FLT4: variants seen among roughly 807,000 people sequenced by gnomAD.
FLT4 encodes fms related receptor tyrosine kinase 4, also known as vascular endothelial growth factor receptor 3.
Under a neutral mutation model 163.2 loss-of-function variants are expected in FLT4, and 30 were observed. That is an observed-to-expected ratio of 0.18 (90% CI 0.14 to 0.25). FLT4 has a LOEUF of 0.25. Among genes scored for constraint, FLT4 ranks in the 10% least tolerant of loss-of-function variants. The pLI, the probability that FLT4 is intolerant of heterozygous loss-of-function variation, is 1.00. For missense variants in FLT4, 1,510 were observed against 1,863.8 expected, an observed-to-expected ratio of 0.81 and a Z score of 3.50; for synonymous variants, 884 against 789.5, an observed-to-expected ratio of 1.12 and a Z score of -2.01.
chr5:180,620,856 G>A lies in FLT4; in HGVS notation c.2299+20C>T, dbSNP rs759077952. 2.1e-5 allele frequency: 33 copies of A among 1,609,586 alleles called. No individual in the cohort carries two copies. In the Middle Eastern group the frequency reaches 8.0e-4, roughly 39 times the overall value. The stretch of plus-strand genomic sequence containing the variant: ...ACTGGGGACGGGAAGGGAGTTGAGG[G>A]GTGCAGCCTGAGGCCAGACCTTCCA... On this transcript the variant is annotated intron_variant, in intron 15 of 29. Coordinates refer to ENST00000261937, the MANE Select transcript of FLT4 (RefSeq NM_182925.5). The surrounding 1 kb of genome is among the most constrained non-coding windows in gnomAD (Gnocchi z 4.4).
upstream of FLT4, chr5:180,649,652 G>A (rs1158176548): frequency 4.8e-6 from 2 of 416,908 alleles, no homozygotes; most frequent in Non-Finnish European, 6.8e-6. Context: ...GGCGGGGGCC[G>A]GAGGCGGGCC....
Position 180,649,497 on chromosome 5 carries a change from G to T in FLT4, c.49C>A (p.Leu17Ile). ...LCLRLWLCLGLLDGLVSGYSM... is the reference protein window; with the variant it reads ...LCLRLWLCLGILDGLVSGYSM... ...CGTTCGCCGCGCTCACCGTCCAGGAGTCCCAGGCAGAGCCACAGTCGCAGG... is the reference window on the plus strand; with the variant it reads ...CGTTCGCCGCGCTCACCGTCCAGGATTCCCAGGCAGAGCCACAGTCGCAGG... The change falls in exon 1 of 30, where the codon CTC becomes ATC. Residue 17 changes from leucine (L) to isoleucine (I), a missense_variant. Physicochemically the swap from Leu to Ile is conservative, Grantham distance 5. Coordinates refer to ENST00000261937, the MANE Select transcript of FLT4 (RefSeq NM_182925.5). 1 of 1,460,412 alleles carries T rather than the reference G, an allele frequency of 6.8e-7. No homozygotes were observed. Among genetic ancestry groups the T allele is most frequent in the African/African-American group, 1.5e-5 (1 of 67,858 alleles). 90.5% of individuals were successfully genotyped at this position (1,460,412 alleles called of 1,614,324 possible).
chr5:180,605,311 G>C (rs1761730852), intron 29 of FLT4, among the ~76,000 whole-genome samples: 1 of 152,144 alleles, frequency 6.6e-6, no homozygotes, highest in African/African-American at 2.4e-5. Flanking sequence ...TCTGCTGTCA[G>C]TTGTATCATC....
At chr5:180,634,818 G>A (rs1443512714) in intron 1 of FLT4, among the ~76,000 whole-genome samples, 3 of 37,044 alleles carry the variant, frequency 8.1e-5, no homozygotes, top group African/African-American at 3.0e-4. Flanking sequence ...GGATGGGTGG[G>A]TGGGTGGGTG....
In FLT4 at chr5:180,620,935, A is replaced by T. The variant is rs767057003; in HGVS notation, c.2240T>A (p.Leu747Gln). 1.2e-6 allele frequency: 2 copies of T among 1,610,624 alleles called. No individual in the cohort carries two copies. The highest frequency in any genetic ancestry group is 1.7e-6 in the Non-Finnish European group (2 of 1,178,916). The change falls in exon 15 of 30, where the codon CTG becomes CAG. Residue 747 changes from leucine to glutamine, a missense_variant. By Grantham distance (113) the Leu-to-Gln change is moderately radical. Transcript: ENST00000261937. This position sits in a 1 kb window ranked among gnomAD's most constrained non-coding sequence, Gnocchi z 4.4. ...RVREEDAGRY[L>Q]CSVCNAKGCV... ...GCCCTTGGCGTTGCACACGCTGCAC[A>T]GATAGCGTCCCGCATCCTCCTCGCG...
Position 180,619,022 on chromosome 5 carries a change from G to C in FLT4, c.2849C>G (p.Ala950Gly), listed in dbSNP as rs1381519868. Residue 950 changes from alanine (A) to glycine (G), a missense_variant and splice_region_variant, in exon 20 of 30, where the codon GCG (alanine) becomes GGG (glycine). Transcript: ENST00000261937. ...RAKRDAFSPC[A>G]EKSPEQRGRF... ...GCGCCCCGCAGGCCGCCCGCTCACC[G>C]CGCAGGGGCTGAAGGCGTCCCGCTT... The C allele has an allele frequency of 2.6e-6, 4 of 1,551,886 alleles. No individual in the cohort carries two copies. Among genetic ancestry groups the C allele is most frequent in the Middle Eastern group, 1.7e-4 (1 of 5,852 alleles).
At chr5:180,639,482 G>C (rs1055496490) in intron 1 of FLT4, among the ~76,000 whole-genome samples, 1 of 151,866 alleles carries the variant, frequency 6.6e-6, no homozygotes, top group Non-Finnish European at 1.5e-5. Flanking sequence ...ATGGATGGAC[G>C]GGCAGATGGA....
intron 24 of FLT4, chr5:180,613,695 G>T (rs774405323): frequency 1.3e-4 from 49 of 380,254 alleles, no homozygotes; most frequent in Non-Finnish European, 2.3e-4. Context: ...CCCTACCCTG[G>T]CCTGGAGACT....
Position 180,629,358 on chromosome 5 carries a change from T to A in FLT4, c.886A>T (p.Thr296Ser), listed in dbSNP as rs1288895731. 2.5e-6 allele frequency: 4 copies of A among 1,612,880 alleles called. No homozygotes were observed. The highest frequency in any genetic ancestry group is 3.4e-6 in the Non-Finnish European group (4 of 1,179,980). ...TCGTGCTGGCTGACGTTGTGGATGG[T>A]CAGGATGCTGGAGAGTTCTGTGTGG... The part of the protein sequence containing the change: ...QTHTELSSIL[T>S]IHNVSQHDLG... The change falls in exon 7 of 30, where the codon ACC becomes TCC. Residue 296 changes from threonine (T) to serine (S), a missense_variant. Transcript: ENST00000261937.
rs138606846 is a variant in FLT4, at chr5:180,629,347, G to A, written c.897C>T (p.Asn299=). 2.9e-5 allele frequency: 47 copies of A among 1,613,026 alleles called. No individual in the cohort carries two copies. The highest frequency in any genetic ancestry group is 2.3e-4 in the Admixed American group (14 of 60,010). The change falls in exon 7 of 30, where the codon AAC becomes AAT. Residue 299 remains asparagine (N), a synonymous_variant. Coordinates refer to ENST00000261937, the MANE Select transcript of FLT4 (RefSeq NM_182925.5). The stretch of plus-strand genomic sequence containing the variant: ...ACGAGCCCAGGTCGTGCTGGCTGAC[G>A]TTGTGGATGGTCAGGATGCTGGAGA... ...TELSSILTIH[N]VSQHDLGSYV... is the part of the protein sequence containing the mutation.
At position 180,601,776 on chromosome 5, in the gene FLT4, C is replaced by T. The variant is rs915764657; in HGVS notation, c.*1416G>A. ...GGAAGGGGGAGGTCCACGGGGACGACGAAGATGACCTTATACGTGCACTCG... is the reference window on the plus strand; with the variant it reads ...GGAAGGGGGAGGTCCACGGGGACGATGAAGATGACCTTATACGTGCACTCG... On this transcript the variant is annotated 3_prime_UTR_variant, in exon 30 of 30. Coordinates refer to ENST00000261937, the MANE Select transcript of FLT4 (RefSeq NM_182925.5). 2 of 232,918 alleles carry T rather than the reference C, an allele frequency of 8.6e-6. No individual in the cohort carries two copies. The highest frequency in any genetic ancestry group is 1.8e-4 in the South Asian group (1 of 5,518). 14.4% of individuals were successfully genotyped at this position (232,918 alleles called of 1,614,324 possible). A position where few individuals can be genotyped will look rare whatever the true frequency, so the allele number is the denominator to read the frequency against.
rs1240098713 is a variant in FLT4, at chr5:180,622,672, CA to C, written c.1657+58del. The C allele has an allele frequency of 5.6e-6, 6 of 1,078,728 alleles. No homozygotes were observed. In the East Asian group the frequency reaches 1.2e-4, roughly 21 times the overall value. The allele number at this position is 1,078,728 out of a possible 1,614,324, so 66.8% of individuals were successfully genotyped here. A position where few individuals can be genotyped will look rare whatever the true frequency, so the allele number is the denominator to read the frequency against. On this transcript the variant is annotated intron_variant, in intron 12 of 29. Transcript: ENST00000261937. ...AAAGACCCCAGAAACTCAATGAGCC[CA>C]AACCTGCCCCCTCCTGACCCTGTAC...
rs1490252982 is a variant in FLT4, at chr5:180,626,274, G to A, written c.1104-9C>T. The A allele has an allele frequency of 6.2e-7, 1 of 1,611,286 alleles. No individual in the cohort carries two copies. The highest frequency in any genetic ancestry group is 1.1e-5 in the South Asian group (1 of 91,082). On this transcript the variant is annotated splice_polypyrimidine_tract_variant and intron_variant, in intron 8 of 29. Transcript: ENST00000261937. ...CCTTTCCATCCTTGTACCTGGCCAG[G>A]GAAGGGAGGTCAGGGCCCATACAGA...
In FLT4 at chr5:180,636,478, T is replaced by C. The variant is rs553342294; in HGVS notation, c.59-4700A>G. Reference sequence around the variant, plus strand: ...TTTGGCGGCACCGCCCTCTTCCCCATTAAAGCTGTCATCAGCTGCACCCCC... The same window carrying C: ...TTTGGCGGCACCGCCCTCTTCCCCACTAAAGCTGTCATCAGCTGCACCCCC... On this transcript the variant is annotated intron_variant, in intron 1 of 29. Coordinates refer to ENST00000261937, the MANE Select transcript of FLT4 (RefSeq NM_182925.5). The surrounding 1 kb of genome is among the most constrained non-coding windows in gnomAD (Gnocchi z 4.3). 6.6e-6 allele frequency among the ~76,000 whole-genome samples: 1 copy of C among 151,264 alleles called. No individual in the cohort carries two copies. Among genetic ancestry groups the C allele is most frequent in the South Asian group, 2.1e-4 (1 of 4,720 alleles).
chr5:180,609,874 G>A (rs766271754), intron 28 of FLT4, 31 bp downstream of exon 28: 2 of 1,613,630 alleles, frequency 1.2e-6, no homozygotes, highest in South Asian at 2.2e-5. Flanking sequence ...CCTGAGCCGA[G>A]AGCGCAGCCC....
In FLT4 at chr5:180,636,551, T is replaced by C. The variant is rs540665826; in HGVS notation, c.59-4773A>G. 1.7e-3 allele frequency among the ~76,000 whole-genome samples: 208 copies of C among 118,858 alleles called. 1 individual carries two copies. The highest frequency in any genetic ancestry group is 6.2e-3 in the African/African-American group (194 of 31,408). The allele number at this position is 118,858 out of a possible 152,430, so 78.0% of individuals were successfully genotyped here. On this transcript the variant is annotated intron_variant, in intron 1 of 29. Transcript: ENST00000261937. This position sits in a 1 kb window ranked among gnomAD's most constrained non-coding sequence, Gnocchi z 4.3. ...GCTGACCGTAGCTCCTGGCTCACCA[T>C]CCCCCCCACCCCAGCTCCTGCCCTT...
chr5:180,619,347 C>A lies in FLT4; in HGVS notation c.2667G>T (p.Glu889Asp), dbSNP rs1762931569. Residue 889 changes from glutamate to aspartate, a missense_variant, in exon 19 of 30, where the codon GAG becomes GAT. By Grantham distance (45) the Glu-to-Asp change is conservative. This residue lies in a region of FLT4 where 878 missense variants were observed against 1,016.7 expected (regional missense o/e 0.86). Transcript: ENST00000261937. ...TGAGCTCCGACATCAGCGCGCGGTG[C>A]TCGCTGGCCGTGGCGCCCTCTGGAG... ...KMLKEGATASEHRALMSELKI... is the reference protein window; with the variant it reads ...KMLKEGATASDHRALMSELKI... 4 of 1,609,896 alleles carry A rather than the reference C, an allele frequency of 2.5e-6. No individual in the cohort carries two copies. The highest frequency in any genetic ancestry group is 3.4e-6 in the Non-Finnish European group (4 of 1,179,322).
In FLT4 at chr5:180,629,371, G is replaced by A. The variant is rs749312539; in HGVS notation, c.873C>T (p.Leu291=). The change falls in exon 7 of 30, where the codon CTC becomes CTT. Residue 291 remains leucine (L), a synonymous_variant. Transcript: ENST00000261937. ...CGTTGTGGATGGTCAGGATGCTGGA[G>A]AGTTCTGTGTGGGTCTGCTGGGAGC... ...ERRSQQTHTE[L]SSILTIHNVS... 21 of 1,612,654 alleles carry A rather than the reference G, an allele frequency of 1.3e-5. No individual in the cohort carries two copies. The South Asian group carries it at 1.6e-4, about 13-fold the overall frequency.
In FLT4 at chr5:180,627,064, C is replaced by G. The variant is rs562943855; in HGVS notation, c.1104-799G>C. On this transcript the variant is annotated intron_variant, in intron 8 of 29. Coordinates refer to ENST00000261937, the MANE Select transcript of FLT4 (RefSeq NM_182925.5). ...CAGATGCCTACATGTCTGCTGCACA[C>G]GTGAGGAAGCAGATGCCTCAGCCCC... 3.3e-5 allele frequency among the ~76,000 whole-genome samples: 5 copies of G among 152,184 alleles called. No individual in the cohort carries two copies. In the East Asian group the frequency reaches 9.6e-4, roughly 29 times the overall value.
Sources: allele counts gnomAD v4.1 joint callset (sites outside exome capture counted in the v4.1 genomes callset), GRCh38; gene constraint gnomAD v4.1.1; regional missense constraint gnomAD v4.1.1; non-coding constraint Gnocchi (gnomAD v3.1); transcripts MANE v1.5; gene names NCBI Gene and HGNC (gene_info 2026-07-23, HGNC 2026-07-21).